Variants in AGPAT4 observed in about 807,000 individuals in gnomAD.
The protein encoded by AGPAT4 is 1-acylglycerol-3-phosphate O-acyltransferase 4, also known as 1-acyl-sn-glycerol-3-phosphate acyltransferase delta.
A neutral mutation model predicts 48.0 loss-of-function variants in AGPAT4; 15 were observed. The ratio of observed to expected loss-of-function variants is 0.31; its 90% CI spans 0.21 to 0.48. AGPAT4 has a LOEUF of 0.48. Among genes scored for constraint, AGPAT4 ranks in the 20% least tolerant of loss-of-function variants. The pLI, the probability that AGPAT4 is intolerant of heterozygous loss-of-function variation, is 0.99. For missense variants in AGPAT4, 314 were observed against 482.5 expected (o/e 0.65, Z 3.27); for synonymous variants, 178 against 198.7 (o/e 0.90, Z 0.88).
At position 161,143,060 on chromosome 6, in the gene AGPAT4, A is replaced by G. The variant is rs1191561107; in HGVS notation, c.844-3440T>C. The stretch of plus-strand genomic sequence containing the variant: ...CCTTGGCCTCCACAGGACGGCTCTG[A>G]ATGTAGCTGTCCTTCACTTATTTCT... On this transcript the variant is annotated intron_variant, in intron 7 of 8. Transcript: ENST00000320285. The surrounding 1 kb of genome is among the most constrained non-coding windows in gnomAD (Gnocchi z 4.7). Among the ~76,000 whole-genome samples, 4 of 152,092 alleles carry G rather than the reference A, an allele frequency of 2.6e-5. No individual in the cohort carries two copies. Among genetic ancestry groups the G allele is most frequent in the African/African-American group, 4.8e-5 (2 of 41,414 alleles).
Position 161,131,129 on chromosome 6 carries a change from A to G in AGPAT4, c.*5411T>C. 3.3e-6 allele frequency: 1 copy of G among 300,278 alleles called. No homozygotes were observed. Among genetic ancestry groups the G allele is most frequent in the Non-Finnish European group, 6.7e-6 (1 of 148,634 alleles). 18.6% of individuals were successfully genotyped at this position (300,278 alleles called of 1,614,324 possible). On this transcript the variant is annotated 3_prime_UTR_variant, in exon 9 of 9. Coordinates refer to ENST00000320285, the MANE Select transcript of AGPAT4 (RefSeq NM_020133.3). Reference sequence around the variant, plus strand: ...TCAAAAAATATCTAGTCATTCCAATATGTAAAACAAGACTGCCTTGTTTTA... The same window carrying G: ...TCAAAAAATATCTAGTCATTCCAATGTGTAAAACAAGACTGCCTTGTTTTA...
At chr6:161,170,506 C>T (rs918941880) in intron 2 of AGPAT4, among the ~76,000 whole-genome samples, 13 of 150,208 alleles carry the variant, frequency 8.7e-5, no homozygotes, top group Non-Finnish European at 1.5e-4. Context: ...CACACACACA[C>T]ATACACATAT....
chr6:161,145,310 G>T (rs553254717), intron 7 of AGPAT4, among the ~76,000 whole-genome samples: 1 of 151,740 alleles, frequency 6.6e-6, no homozygotes, highest in Non-Finnish European at 1.5e-5. Flanking sequence ...CACAACTCAT[G>T]CTCTAATGAC....
At position 161,225,808 on chromosome 6, in the gene AGPAT4, G is replaced by C. The variant is rs771232484; in HGVS notation, c.178+6228C>G. On this transcript the variant is annotated intron_variant, in intron 2 of 8. Transcript: ENST00000320285. This position sits in a 1 kb window ranked among gnomAD's most constrained non-coding sequence, Gnocchi z 5.0. Reference sequence around the variant, plus strand: ...GTCCCAACAGATAAACTCGTGGGCCGCTTGCTCAGTCCAGGAGGCAGGGCT... The same window carrying C: ...GTCCCAACAGATAAACTCGTGGGCCCCTTGCTCAGTCCAGGAGGCAGGGCT... 6.6e-6 allele frequency among the ~76,000 whole-genome samples: 1 copy of C among 152,222 alleles called. No individual in the cohort carries two copies. Among genetic ancestry groups the C allele is most frequent in the Admixed American group, 6.5e-5 (1 of 15,290 alleles).
intron 2 of AGPAT4, among the ~76,000 whole-genome samples, chr6:161,182,280 C>T (rs1310352272): frequency 6.7e-6 from 1 of 149,306 alleles, no homozygotes; most frequent in Non-Finnish European, 1.5e-5. Context: ...CTCATCCCAG[C>T]ACCTCATCCC....
At position 161,165,923 on chromosome 6, in the gene AGPAT4, C is replaced by A; in HGVS notation, c.348+325G>T. The A allele has an allele frequency of 1.7e-6, 1 of 601,122 alleles. No homozygotes were observed. Among genetic ancestry groups the A allele is most frequent in the Non-Finnish European group, 2.9e-6 (1 of 339,136 alleles). 37.2% of individuals were successfully genotyped at this position (601,122 alleles called of 1,614,324 possible). On this transcript the variant is annotated intron_variant, in intron 3 of 8. Transcript: ENST00000320285. This position sits in a 1 kb window ranked among gnomAD's most constrained non-coding sequence, Gnocchi z 5.5. ...CTAATTACAGCTGTGTGACTCTGAG[C>A]CGAATATTAAGCTCTATATAACTTA...
intron 2 of AGPAT4, among the ~76,000 whole-genome samples, chr6:161,210,211 C>T (rs1158276488): frequency 6.6e-6 from 1 of 152,178 alleles, no homozygotes; most frequent in Admixed American, 6.5e-5. Context: ...TATGATTTTA[C>T]ATTTGATTTG....
chr6:161,233,109 CCACACACACACACA>C lies in AGPAT4; in HGVS notation c.-89-821_-89-808del, dbSNP rs56226316. On this transcript the variant is annotated intron_variant, in intron 1 of 8. Transcript: ENST00000320285. The surrounding 1 kb of genome is among the most constrained non-coding windows in gnomAD (Gnocchi z 5.4). Reference sequence around the variant, plus strand: ...AGACACATAGACACACACACAAACACCACACACACACACACACACACACACACACACACACAGAT... The same window carrying C: ...AGACACATAGACACACACACAAACACCACACACACACACACACACACAGAT... Among the ~76,000 whole-genome samples the C allele has an allele frequency of 0.012, 1,778 of 147,404 alleles. 30 individuals are homozygous for C. Among genetic ancestry groups the C allele is most frequent in the African/African-American group, 0.041 (1,639 of 40,286 alleles).
intron 3 of AGPAT4, among the ~76,000 whole-genome samples, chr6:161,163,845 C>T (rs893133089): frequency 6.6e-6 from 1 of 152,218 alleles, no homozygotes; most frequent in Admixed American, 6.5e-5. Context: ...AGAGGCATCG[C>T]CCTGGCCCCA....
chr6:161,132,813 G>A lies in AGPAT4; in HGVS notation c.*3727C>T, dbSNP rs1778944591. The A allele has an allele frequency of 6.6e-6, 1 of 152,210 alleles. No homozygotes were observed. The highest frequency in any genetic ancestry group is 2.4e-5 in the African/African-American group (1 of 41,442). The allele number at this position is 152,210 out of a possible 1,614,324, so 9.4% of individuals were successfully genotyped here. On this transcript the variant is annotated 3_prime_UTR_variant, in exon 9 of 9. Coordinates refer to ENST00000320285, the MANE Select transcript of AGPAT4 (RefSeq NM_020133.3). ...ACAGGACCTTGGAGAGTTGCATTTT[G>A]GGGGGCTCTCCTAGAAGCTCTGGGG...
Position 161,249,643 on chromosome 6 carries a change from T to C in AGPAT4, c.-89-17341A>G, listed in dbSNP as rs1782751257. Among the ~76,000 whole-genome samples, 1 of 152,144 alleles carries C rather than the reference T, an allele frequency of 6.6e-6. No homozygotes were observed. Among genetic ancestry groups the C allele is most frequent in the South Asian group, 2.1e-4 (1 of 4,822 alleles). On this transcript the variant is annotated intron_variant, in intron 1 of 8. Transcript: ENST00000320285. This position sits in a 1 kb window ranked among gnomAD's most constrained non-coding sequence, Gnocchi z 6.2. ...CTCACACCAGTCAGAATGGCTATTA[T>C]TTAAAAGTCAAAAAATAACACATGC...
chr6:161,175,775 G>C (rs1780411786), intron 2 of AGPAT4, among the ~76,000 whole-genome samples: 1 of 152,128 alleles, frequency 6.6e-6, no homozygotes, highest in African/African-American at 2.4e-5. Context: ...TGGGCATTTA[G>C]TGCTATAAAT....
At position 161,137,839 on chromosome 6, in the gene AGPAT4, C is replaced by CA. The variant is rs1779121376; in HGVS notation, c.1043-1206dup. Among the ~76,000 whole-genome samples, 2 of 151,850 alleles carry CA rather than the reference C, an allele frequency of 1.3e-5. No individual in the cohort carries two copies. The highest frequency in any genetic ancestry group is 4.8e-5 in the African/African-American group (2 of 41,282). On this transcript the variant is annotated intron_variant, in intron 8 of 8. Coordinates refer to ENST00000320285, the MANE Select transcript of AGPAT4 (RefSeq NM_020133.3). This position sits in a 1 kb window ranked among gnomAD's most constrained non-coding sequence, Gnocchi z 6.1. The stretch of plus-strand genomic sequence containing the variant: ...CTGAAGACTCCCTGTGTCCACACTG[C>CA]ACCCCTCAGATGCTCCTGAAGACTC...
Position 161,138,187 on chromosome 6 carries a change from G to A in AGPAT4, c.1042+1235C>T, listed in dbSNP as rs922915235. 4.6e-5 allele frequency among the ~76,000 whole-genome samples: 7 copies of A among 152,250 alleles called. No individual in the cohort carries two copies. Among genetic ancestry groups the A allele is most frequent in the African/African-American group, 1.7e-4 (7 of 41,468 alleles). ...TGGACCTGCCTTAAGGAGATGAGGT[G>A]CTTTCTTCTCCAACCTCTTATTTTT... On this transcript the variant is annotated intron_variant, in intron 8 of 8. Transcript: ENST00000320285. This position sits in a 1 kb window ranked among gnomAD's most constrained non-coding sequence, Gnocchi z 4.8.
chr6:161,157,623 C>T (rs1372006503), intron 3 of AGPAT4, among the ~76,000 whole-genome samples: 1 of 152,280 alleles, frequency 6.6e-6, no homozygotes, highest in Non-Finnish European at 1.5e-5. Context: ...AAAGAAGAGA[C>T]ATAACTTTCT....
Position 161,226,323 on chromosome 6 carries a change from T to A in AGPAT4, c.178+5713A>T, listed in dbSNP as rs530018761. On this transcript the variant is annotated intron_variant, in intron 2 of 8. Transcript: ENST00000320285. This position sits in a 1 kb window ranked among gnomAD's most constrained non-coding sequence, Gnocchi z 6.3. ...AACTCAAAGAGTGAAAACTCCTGCT[T>A]AGATTGAATTGAAATGAGAAAAAGC... Among the ~76,000 whole-genome samples the A allele has an allele frequency of 6.6e-6, 1 of 152,250 alleles. No homozygotes were observed. Among genetic ancestry groups the A allele is most frequent in the South Asian group, 2.1e-4 (1 of 4,824 alleles).
Position 161,141,225 on chromosome 6 carries a change from T to G in AGPAT4, c.844-1605A>C, listed in dbSNP as rs1326962129. Among the ~76,000 whole-genome samples, 1 of 152,004 alleles carries G rather than the reference T, an allele frequency of 6.6e-6. No individual in the cohort carries two copies. Among genetic ancestry groups the G allele is most frequent in the Non-Finnish European group, 1.5e-5 (1 of 68,010 alleles). On this transcript the variant is annotated intron_variant, in intron 7 of 8. Transcript: ENST00000320285. This position sits in a 1 kb window ranked among gnomAD's most constrained non-coding sequence, Gnocchi z 6.7. ...CTGTCCTCGGCCCCCTGCAGCCCAT[T>G]AACAAGCCTGGTCCGAAGCGTCACT...
chr6:161,211,734 A>G (rs1225912191), intron 2 of AGPAT4, among the ~76,000 whole-genome samples: 1 of 152,178 alleles, frequency 6.6e-6, no homozygotes, highest in African/African-American at 2.4e-5. Context: ...TCATCTGTAT[A>G]TCTCTCTGCA....
chr6:161,146,653 A>G lies in AGPAT4; in HGVS notation c.768-54T>C. On this transcript the variant is annotated intron_variant, in intron 6 of 8. Coordinates refer to ENST00000320285, the MANE Select transcript of AGPAT4 (RefSeq NM_020133.3). The surrounding 1 kb of genome is among the most constrained non-coding windows in gnomAD (Gnocchi z 7.1). Reference sequence around the variant, plus strand: ...AGGAGGTGATGCCCCCCTACAACATACAGTTTCCAGTAACGGTGCTGCCGT... The same window carrying G: ...AGGAGGTGATGCCCCCCTACAACATGCAGTTTCCAGTAACGGTGCTGCCGT... The G allele has an allele frequency of 2.6e-6, 4 of 1,559,368 alleles. No homozygotes were observed. In the East Asian group the frequency reaches 9.0e-5, roughly 35 times the overall value.
Sources: gnomAD v4.1 joint callset for allele counts (sites outside exome capture counted in the v4.1 genomes callset) on GRCh38, gnomAD v4.1.1 for gene constraint, Gnocchi (gnomAD v3.1) non-coding constraint, MANE v1.5 for transcripts, NCBI Gene and HGNC (gene_info 2026-07-23, HGNC 2026-07-21) for gene names.